The following DEPTOR variants were observed in gnomAD, a reference collection of about 807,000 sequenced individuals.
DEPTOR encodes the protein DEP domain containing MTOR interacting protein.
In DEPTOR, 41 loss-of-function variants were observed where a neutral mutation model predicts 41.6. The ratio of observed to expected loss-of-function variants is 0.98; its 90% CI spans 0.77 to 1.28. DEPTOR has a LOEUF of 1.28. Among genes scored for constraint, DEPTOR ranks in the 50% most tolerant of loss-of-function variants. The pLI is 0.00. For missense variants in DEPTOR, 514 were observed against 527.9 expected (o/e 0.97, Z 0.26); for synonymous variants, 195 against 192.3 (o/e 1.01, Z -0.12).
chr8:120,018,897 A>G (rs1812653366), intron 8 of DEPTOR, among the ~76,000 whole-genome samples: 1 of 152,176 alleles, frequency 6.6e-6, no homozygotes, highest in Admixed American at 6.5e-5. Flanking sequence ...TACAGCGATA[A>G]CAGTGCACAG....
intron 3 of DEPTOR, among the ~76,000 whole-genome samples, chr8:119,934,176 C>T (rs1483663855): frequency 2.6e-5 from 4 of 151,874 alleles, no homozygotes; most frequent in Non-Finnish European, 5.9e-5. Context: ...CCACTGCGCC[C>T]GGCCTGGGTA....
intron 8 of DEPTOR, among the ~76,000 whole-genome samples, chr8:120,030,805 T>C (rs1002564009): frequency 3.9e-5 from 6 of 152,006 alleles, no homozygotes; most frequent in Admixed American, 1.3e-4. Context: ...CATCAATTTC[T>C]TTGTTGTTGA....
intron 3 of DEPTOR, among the ~76,000 whole-genome samples, chr8:119,940,941 CAGGGGAAA>C (rs1828195254): frequency 6.6e-6 from 1 of 151,706 alleles, no homozygotes; most frequent in Non-Finnish European, 1.5e-5. Context: ...TTGCTAGGAG[CAGGGGAAA>C]GGGGGGAATA....
intron 1 of DEPTOR, among the ~76,000 whole-genome samples, chr8:119,917,533 C>T (rs947794824): frequency 5.7e-4 from 87 of 152,290 alleles, no homozygotes; most frequent in African/African-American, 2.1e-3. Context: ...GCAGCAAGCT[C>T]GTTAAGAGTC....
chr8:119,982,122 A>G (rs1349943939), intron 4 of DEPTOR, among the ~76,000 whole-genome samples: 1 of 151,642 alleles, frequency 6.6e-6, no homozygotes. Flanking sequence ...CATTATGGAG[A>G]CCATGTCTTT....
intron 8 of DEPTOR, among the ~76,000 whole-genome samples, chr8:120,040,012 T>A (rs1295983789): frequency 1.3e-5 from 2 of 151,944 alleles, no homozygotes; most frequent in African/African-American, 4.8e-5. Flanking sequence ...CCTGGCTAAT[T>A]TTTGTATTCT....
chr8:120,031,207 C>A (rs948512109), intron 8 of DEPTOR, among the ~76,000 whole-genome samples: 1 of 152,056 alleles, frequency 6.6e-6, no homozygotes, highest in Non-Finnish European at 1.5e-5. Flanking sequence ...TGGCTCATGC[C>A]TGTAATCCCA....
At position 120,049,853 on chromosome 8, in the gene DEPTOR, A is replaced by G. The variant is rs1750167583; in HGVS notation, c.*149A>G. On this transcript the variant is annotated 3_prime_UTR_variant, in exon 9 of 9. Coordinates refer to ENST00000286234, the MANE Select transcript of DEPTOR (RefSeq NM_022783.4). ...ATACATGTCTAAAGTTGAGTTTTATACACTGAATGTGGAAGAACCGGGTAT... is the reference window on the plus strand; with the variant it reads ...ATACATGTCTAAAGTTGAGTTTTATGCACTGAATGTGGAAGAACCGGGTAT... The G allele has an allele frequency of 4.4e-6, 4 of 908,422 alleles. No individual in the cohort carries two copies. 56.3% of individuals were successfully genotyped at this position (908,422 alleles called of 1,614,324 possible).
chr8:119,971,449 G>A (rs776603592), intron 4 of DEPTOR, among the ~76,000 whole-genome samples: 6 of 152,164 alleles, frequency 3.9e-5, no homozygotes, highest in Non-Finnish European at 5.9e-5. Flanking sequence ...TAGGCTTGAA[G>A]AATATACAAG....
intron 8 of DEPTOR, 95 bp from the exon 9 acceptor site, chr8:120,049,481 G>A: frequency 7.2e-7 from 1 of 1,381,186 alleles, no homozygotes; most frequent in Non-Finnish European, 9.6e-7. Context: ...TTTTAAGAAT[G>A]AAGTTACCTG....
chr8:120,026,621 G>T (rs890732093), intron 8 of DEPTOR, among the ~76,000 whole-genome samples: 1 of 152,054 alleles, frequency 6.6e-6, no homozygotes, highest in Non-Finnish European at 1.5e-5. Context: ...GAGATTACAG[G>T]CATGAGTCAC....
intron 8 of DEPTOR, among the ~76,000 whole-genome samples, chr8:120,043,873 G>A (rs984828095): frequency 2.6e-5 from 4 of 151,738 alleles, no homozygotes; most frequent in African/African-American, 4.8e-5. Context: ...TTAGCTGGGC[G>A]TGGTGGTGTG....
chr8:119,904,748 G>A (rs1484472502), intron 1 of DEPTOR, among the ~76,000 whole-genome samples: 11 of 149,410 alleles, frequency 7.4e-5, no homozygotes, highest in East Asian at 6.1e-4. Flanking sequence ...CACCTACCTC[G>A]GCCTCCCAAA....
chr8:119,964,231 G>A (rs981017368), intron 3 of DEPTOR, among the ~76,000 whole-genome samples: 6 of 151,968 alleles, frequency 3.9e-5, no homozygotes, highest in Non-Finnish European at 8.8e-5. Context: ...TAATTAGCAC[G>A]GACCGCTGGG....
chr8:119,968,772 T>C (rs1770135198), intron 4 of DEPTOR, among the ~76,000 whole-genome samples: 1 of 152,146 alleles, frequency 6.6e-6, no homozygotes, highest in Non-Finnish European at 1.5e-5. Context: ...AAGTGTGACC[T>C]TGGAGTTGGG....
At chr8:119,894,047 T>G (rs532214874) in intron 1 of DEPTOR, among the ~76,000 whole-genome samples, 59 of 152,304 alleles carry the variant, frequency 3.9e-4, no homozygotes, top group African/African-American at 1.4e-3. Context: ...TGAAAGGAAA[T>G]TTTATTATGA....
At chr8:120,002,812 A>ATATATATAT (rs71306853) in intron 5 of DEPTOR, among the ~76,000 whole-genome samples, 165 bp from the exon 6 acceptor site, 7 of 130,112 alleles carry the variant, frequency 5.4e-5, no homozygotes, top group East Asian at 2.5e-4. Flanking sequence ...ATATATATAT[A>ATATATATAT]ATATAAAGTA....
intron 1 of DEPTOR, among the ~76,000 whole-genome samples, chr8:119,917,635 G>C (rs998134596): frequency 6.6e-6 from 1 of 152,194 alleles, no homozygotes; most frequent in African/African-American, 2.4e-5. Context: ...TATTGTCCAA[G>C]GTTTCTCCCC....
chr8:119,991,761 AT>A (rs1343075269), intron 4 of DEPTOR, among the ~76,000 whole-genome samples: 9 of 152,230 alleles, frequency 5.9e-5, no homozygotes, highest in East Asian at 3.8e-4. Context: ...TTAAAAAAAA[AT>A]AGCTTCAACT....
Sources: gnomAD v4.1 joint callset for allele counts (sites outside exome capture counted in the v4.1 genomes callset) on GRCh38, gnomAD v4.1.1 for gene constraint, MANE v1.5 for transcripts, NCBI Gene and HGNC (gene_info 2026-07-23, HGNC 2026-07-21) for gene names.